The following ARSB variants were observed in gnomAD, a reference collection of about 807,000 sequenced individuals.
ARSB encodes the protein arylsulfatase B.
Under a neutral mutation model 50.9 loss-of-function variants are expected in ARSB, and 41 were observed. That is an observed-to-expected ratio of 0.81 (90% CI 0.63 to 1.04). The LOEUF is 1.04. ARSB is among the 50% of genes least tolerant of loss of function. The pLI, the probability that ARSB is intolerant of heterozygous loss-of-function variation, is 0.00. For synonymous variants in ARSB, 269 were observed against 284.8 expected (o/e 0.94, Z 0.56); for missense variants, 672 against 693.3 (o/e 0.97, Z 0.35).
At chr5:78,892,601 C>G (rs1187209741) in intron 4 of ARSB, among the ~76,000 whole-genome samples, 1 of 152,116 alleles carries the variant, frequency 6.6e-6, no homozygotes. Context: ...TGCAACAACA[C>G]AGTGAATTGT....
chr5:78,866,407 C>A (rs1334612113), intron 5 of ARSB, among the ~76,000 whole-genome samples: 1 of 152,132 alleles, frequency 6.6e-6, no homozygotes, highest in African/African-American at 2.4e-5. Context: ...CCCACTGGGT[C>A]CCTGCCACAA....
At chr5:78,914,648 C>T (rs904227570) in intron 4 of ARSB, among the ~76,000 whole-genome samples, 5 of 152,108 alleles carry the variant, frequency 3.3e-5, no homozygotes, top group African/African-American at 1.2e-4. Flanking sequence ...CAGATGATGC[C>T]AAGGATACCT....
intron 4 of ARSB, among the ~76,000 whole-genome samples, chr5:78,935,933 A>C (rs2043984): frequency 0.86 from 95,693 of 111,226 alleles, 40,327 homozygotes; most frequent in South Asian, 0.92. Flanking sequence ...CCTCTCCTCC[A>C]CTCCCCTCCC....
intron 4 of ARSB, among the ~76,000 whole-genome samples, chr5:78,933,147 G>A (rs549989391): frequency 2.0e-5 from 3 of 152,326 alleles, no homozygotes; most frequent in Admixed American, 2.0e-4. Flanking sequence ...TCATCACACA[G>A]AAGATGCTCA....
At chr5:78,936,880 G>A (rs1247723993) in intron 4 of ARSB, among the ~76,000 whole-genome samples, 1 of 152,146 alleles carries the variant, frequency 6.6e-6, no homozygotes, top group African/African-American at 2.4e-5. Context: ...ACGACTGTAG[G>A]AGACAGCAGA....
chr5:78,905,344 G>GTTTTTTTTTTTTTTTTT lies in ARSB; in HGVS notation c.899-19518_899-19517insAAAAAAAAAAAAAAAAA, dbSNP rs60622885. Among the ~76,000 whole-genome samples, 74 of 130,532 alleles carry GTTTTTTTTTTTTTTTTT rather than the reference G, an allele frequency of 5.7e-4. 11 individuals carry two copies. The highest frequency in any genetic ancestry group is 7.4e-4 in the South Asian group (3 of 4,052). The allele number at this position is 130,532 out of a possible 152,430, so 85.6% of individuals were successfully genotyped here. The stretch of plus-strand genomic sequence containing the variant: ...CCTTGAGTACTGCTCGTATTTTCCT[G>GTTTTTTTTTTTTTTTTT]TTTTTTTTTTTTTGTATAATGAGTA... On this transcript the variant is annotated intron_variant, in intron 4 of 7. Transcript: ENST00000264914.
chr5:78,964,059 A>G (rs1328875872), intron 3 of ARSB, among the ~76,000 whole-genome samples: 1 of 152,194 alleles, frequency 6.6e-6, no homozygotes. Context: ...CTCACAGCAC[A>G]TGCACGTAAT....
At chr5:78,891,853 C>G (rs138905042) in intron 4 of ARSB, among the ~76,000 whole-genome samples, 1 of 152,248 alleles carries the variant, frequency 6.6e-6, no homozygotes, top group African/African-American at 2.4e-5. Flanking sequence ...AGGTATAGGT[C>G]TAGGTGTTTT....
intron 6 of ARSB, among the ~76,000 whole-genome samples, chr5:78,819,086 C>T (rs1440474973): frequency 6.6e-6 from 1 of 152,164 alleles, no homozygotes; most frequent in Non-Finnish European, 1.5e-5. Context: ...TGTTAGGTTT[C>T]AGGTAGGTGC....
intron 1 of ARSB, among the ~76,000 whole-genome samples, chr5:78,984,606 C>A (rs1212200364): frequency 6.6e-6 from 1 of 152,238 alleles, no homozygotes; most frequent in African/African-American, 2.4e-5. Context: ...ACCTCAGGAC[C>A]GCTCCGCCTG....
intron 6 of ARSB, among the ~76,000 whole-genome samples, chr5:78,806,748 C>T (rs997646404): frequency 2.0e-5 from 3 of 152,232 alleles, no homozygotes; most frequent in Non-Finnish European, 4.4e-5. Context: ...CTCACGATTA[C>T]TCATAGGCCC....
chr5:78,967,991 T>G (rs1240077494), intron 2 of ARSB, among the ~76,000 whole-genome samples: 2 of 152,184 alleles, frequency 1.3e-5, no homozygotes, highest in African/African-American at 4.8e-5. Context: ...AGGCACAGGT[T>G]ATTACAGGTT....
At chr5:78,809,257 G>A (rs1031308829) in intron 6 of ARSB, among the ~76,000 whole-genome samples, 15 of 152,190 alleles carry the variant, frequency 9.9e-5, no homozygotes, top group African/African-American at 3.1e-4. Context: ...CAGAGCGGCT[G>A]GGAAGGACTT....
chr5:78,951,628 A>G lies in ARSB; in HGVS notation c.898+3667T>C, dbSNP rs184950639. 4.3e-3 allele frequency among the ~76,000 whole-genome samples: 662 copies of G among 152,312 alleles called. 3 individuals carry two copies. The highest frequency in any genetic ancestry group is 0.015 in the African/African-American group (625 of 41,572). On this transcript the variant is annotated intron_variant, in intron 4 of 7. Coordinates refer to ENST00000264914, the MANE Select transcript of ARSB (RefSeq NM_000046.5). ...GCAATAAGCTAAAATAGGAACAAGG[A>G]AAGCCTCCTGGAGTGAATAATCATC...
chr5:78,944,076 C>T (rs1156322136), intron 4 of ARSB, among the ~76,000 whole-genome samples: 2 of 152,216 alleles, frequency 1.3e-5, no homozygotes, highest in Non-Finnish European at 2.9e-5. Flanking sequence ...AAATCGGCTA[C>T]TGAGTCTTGT....
At chr5:78,932,718 T>C (rs1369070635) in intron 4 of ARSB, among the ~76,000 whole-genome samples, 2 of 152,226 alleles carry the variant, frequency 1.3e-5, no homozygotes, top group African/African-American at 4.8e-5. Flanking sequence ...GTAGTACCTA[T>C]TAAATGGGTA....
chr5:78,918,549 G>GCA (rs71001139), intron 4 of ARSB, among the ~76,000 whole-genome samples: 38,607 of 149,868 alleles, frequency 0.26, 5,187 homozygotes, highest in Admixed American at 0.34. Flanking sequence ...AATATCATGT[G>GCA]CACACACACA....
chr5:78,968,901 C>A, intron 2 of ARSB, 105 bp downstream of exon 2: 1 of 1,316,576 alleles, frequency 7.6e-7, no homozygotes, highest in Non-Finnish European at 1.1e-6. Flanking sequence ...CTGATTCACT[C>A]TGTGTTCAAA....
intron 4 of ARSB, among the ~76,000 whole-genome samples, chr5:78,916,889 T>A (rs1749572756): frequency 1.3e-5 from 2 of 152,166 alleles, no homozygotes; most frequent in Admixed American, 1.3e-4. Flanking sequence ...GCACAGGGAA[T>A]GATATAGTGG....
Sources: allele counts gnomAD v4.1 joint callset (sites outside exome capture counted in the v4.1 genomes callset), GRCh38; gene constraint gnomAD v4.1.1; transcripts MANE v1.5; gene names NCBI Gene and HGNC (gene_info 2026-07-23, HGNC 2026-07-21).